The following BTBD9 variants were observed in gnomAD, a reference collection of about 807,000 sequenced individuals.
BTBD9 encodes the protein BTB/POZ domain-containing protein 9.
Under a neutral mutation model 64.3 loss-of-function variants are expected in BTBD9, and 49 were observed. The ratio of observed to expected loss-of-function variants is 0.76; its 90% CI spans 0.61 to 0.97. The LOEUF is 0.97. Ranked by LOEUF, BTBD9 falls within the 50% of genes least tolerant of loss-of-function variation. The pLI is 0.00. For synonymous variants in BTBD9, 260 were observed against 274.7 expected (o/e 0.95, Z 0.53); for missense variants, 598 against 762.1 (o/e 0.78, Z 2.53).
At chr6:38,591,894 T>A (rs999535277) in intron 4 of BTBD9, among the ~76,000 whole-genome samples, 1 of 152,138 alleles carries the variant, frequency 6.6e-6, no homozygotes, top group Non-Finnish European at 1.5e-5. Flanking sequence ...ATTTAGAATC[T>A]CCATGTTCAG....
intron 6 of BTBD9, among the ~76,000 whole-genome samples, chr6:38,372,734 A>G (rs1352382593): frequency 6.6e-6 from 1 of 152,208 alleles, no homozygotes; most frequent in East Asian, 1.9e-4. Flanking sequence ...TTCAGACGAC[A>G]TAAGCCTCTC....
chr6:38,393,684 C>T (rs965310786), intron 6 of BTBD9, among the ~76,000 whole-genome samples: 15 of 152,112 alleles, frequency 9.9e-5, no homozygotes, highest in African/African-American at 3.4e-4. Flanking sequence ...GCTGTTATAC[C>T]CTCTCATTAC....
At chr6:38,194,515 C>T (rs1762207637) in intron 9 of BTBD9, among the ~76,000 whole-genome samples, 1 of 152,176 alleles carries the variant, frequency 6.6e-6, no homozygotes, top group Non-Finnish European at 1.5e-5. Flanking sequence ...AGATTTTGTT[C>T]TTTTCAGCCT....
chr6:38,422,717 C>T (rs528006178), intron 6 of BTBD9, among the ~76,000 whole-genome samples: 8 of 152,306 alleles, frequency 5.3e-5, no homozygotes, highest in South Asian at 2.1e-4. Flanking sequence ...TCAGAGGTCA[C>T]GATTTGCCTC....
chr6:38,231,958 A>G (rs1763622937), intron 9 of BTBD9, among the ~76,000 whole-genome samples: 2 of 152,256 alleles, frequency 1.3e-5, no homozygotes, highest in Non-Finnish European at 2.9e-5. Flanking sequence ...GGGCAGGGAC[A>G]GGAAATAGGA....
intron 9 of BTBD9, among the ~76,000 whole-genome samples, chr6:38,230,052 C>T (rs1019302396): frequency 6.6e-6 from 1 of 152,226 alleles, no homozygotes. Context: ...CCATAGCCAG[C>T]TGCTTCTCAT....
chr6:38,635,691 CAAG>C (rs1252454607), intron 1 of BTBD9, among the ~76,000 whole-genome samples: 1 of 152,182 alleles, frequency 6.6e-6, no homozygotes, highest in Non-Finnish European at 1.5e-5. Flanking sequence ...TATGACACAG[CAAG>C]AAGGCCCTCA....
chr6:38,334,046 T>C (rs1460101443), intron 7 of BTBD9, among the ~76,000 whole-genome samples: 1 of 152,164 alleles, frequency 6.6e-6, no homozygotes, highest in Non-Finnish European at 1.5e-5. Flanking sequence ...GAGGAACTTA[T>C]TGGGAACTGG....
rs574467435 is a variant in BTBD9, at chr6:38,256,705, T to C, written c.1455-189A>G. 1.5e-3 allele frequency among the ~76,000 whole-genome samples: 234 copies of C among 152,276 alleles called. 1 individual carries two copies. Among genetic ancestry groups the C allele is most frequent in the Non-Finnish European group, 1.7e-3 (114 of 68,006 alleles). On this transcript the variant is annotated intron_variant, in intron 8 of 10. Coordinates refer to ENST00000481247, the MANE Select transcript of BTBD9 (RefSeq NM_001099272.2). ...TCTGCAGTGAGAGGCTTTTTATCTT[T>C]AGTTCTTTTCACAAGTCCCCCAATC...
chr6:38,513,399 G>A (rs536205507), intron 6 of BTBD9, among the ~76,000 whole-genome samples: 13 of 151,668 alleles, frequency 8.6e-5, no homozygotes, highest in African/African-American at 3.1e-4. Flanking sequence ...AGTGAGCCAA[G>A]AACGTGCCAC....
chr6:38,477,621 T>C (rs559901603), intron 6 of BTBD9, among the ~76,000 whole-genome samples: 1 of 152,242 alleles, frequency 6.6e-6, no homozygotes, highest in South Asian at 2.1e-4. Flanking sequence ...TAACGAGCAG[T>C]ATCTATATTT....
chr6:38,383,642 G>C (rs1766031090), intron 6 of BTBD9, among the ~76,000 whole-genome samples: 2 of 152,144 alleles, frequency 1.3e-5, no homozygotes, highest in South Asian at 2.1e-4. Flanking sequence ...AAATTTTGTT[G>C]AATGACGGTA....
rs539283883 is a variant in BTBD9, at chr6:38,274,763, C to T, written c.1454+13509G>A. Among the ~76,000 whole-genome samples the T allele has an allele frequency of 6.0e-3, 917 of 152,144 alleles. 7 individuals are homozygous for T. Among genetic ancestry groups the T allele is most frequent in the African/African-American group, 0.021 (852 of 41,486 alleles). On this transcript the variant is annotated intron_variant, in intron 8 of 10. Coordinates refer to ENST00000481247, the MANE Select transcript of BTBD9 (RefSeq NM_001099272.2). ...CATGGTGGATAAGCTTTTTGATGTG[C>T]TGCTGGATTCGGTTTGCCAGTATTT...
intron 6 of BTBD9, among the ~76,000 whole-genome samples, chr6:38,549,241 G>A (rs1244356350): frequency 6.6e-6 from 1 of 152,192 alleles, no homozygotes; most frequent in Admixed American, 6.5e-5. Context: ...TTATTTACCT[G>A]TAAGGTTCTC....
chr6:38,529,478 G>A (rs912609777), intron 6 of BTBD9, among the ~76,000 whole-genome samples: 1 of 152,160 alleles, frequency 6.6e-6, no homozygotes, highest in Non-Finnish European at 1.5e-5. Context: ...GACAGATACA[G>A]ACAAGCCCAG....
At chr6:38,427,670 CCT>C (rs749142290) in intron 6 of BTBD9, among the ~76,000 whole-genome samples, 41 of 151,950 alleles carry the variant, frequency 2.7e-4, no homozygotes, top group Admixed American at 9.2e-4. Flanking sequence ...AAAAAACACC[CCT>C]GTCAACAATC....
intron 7 of BTBD9, among the ~76,000 whole-genome samples, chr6:38,341,222 C>T (rs1430754754): frequency 2.0e-5 from 3 of 152,252 alleles, no homozygotes; most frequent in East Asian, 3.9e-4. Flanking sequence ...GACTTTGAAA[C>T]AATTAGGGAA....
At chr6:38,436,705 C>T (rs1375645513) in intron 6 of BTBD9, among the ~76,000 whole-genome samples, 1 of 149,996 alleles carries the variant, frequency 6.7e-6, no homozygotes, top group South Asian at 2.1e-4. Flanking sequence ...ATGTTGACAT[C>T]AACTTTCTCA....
intron 1 of BTBD9, among the ~76,000 whole-genome samples, chr6:38,625,189 T>C (rs867443700): frequency 6.6e-6 from 1 of 152,200 alleles, no homozygotes; most frequent in Non-Finnish European, 1.5e-5. Flanking sequence ...TAGTAGCTCA[T>C]TATACATGCT....
Sources: allele counts gnomAD v4.1 joint callset (sites outside exome capture counted in the v4.1 genomes callset), GRCh38; gene constraint gnomAD v4.1.1; transcripts MANE v1.5; gene names NCBI Gene and HGNC (gene_info 2026-07-23, HGNC 2026-07-21).